The following TMEFF2 variants were observed in gnomAD, a reference collection of about 807,000 sequenced individuals.
TMEFF2 encodes the protein tomoregulin-2.
A neutral mutation model predicts 53.8 loss-of-function variants in TMEFF2; 28 were observed. That is an observed-to-expected ratio of 0.52 (90% confidence interval 0.39 to 0.71). The LOEUF is 0.71. Among genes scored for constraint, TMEFF2 ranks in the 30% least tolerant of loss-of-function variants. The probability of loss-of-function intolerance (pLI) is 0.00; values close to 1 mark genes in which losing one functional copy is unlikely to be tolerated. For missense variants in TMEFF2, 353 were observed against 455.2 expected, an observed-to-expected ratio of 0.78 and a Z score of 2.04; for synonymous variants, 162 against 166.3, an observed-to-expected ratio of 0.97 and a Z score of 0.20.
intron 7 of TMEFF2, among the ~76,000 whole-genome samples, chr2:191,970,096 T>A (rs559915543): frequency 7.2e-5 from 11 of 152,316 alleles, no homozygotes; most frequent in Admixed American, 2.6e-4. Flanking sequence ...GTGATAATGC[T>A]GCCTAAAATA....
At chr2:192,070,645 C>T (rs1688274009) in intron 4 of TMEFF2, among the ~76,000 whole-genome samples, 2 of 151,828 alleles carry the variant, frequency 1.3e-5, no homozygotes, top group South Asian at 4.1e-4. Flanking sequence ...GGGATTTACA[C>T]ATATTTTATA....
chr2:191,964,364 CTTTCTTTCTCTTTCTT>C (rs1313459918), intron 7 of TMEFF2, among the ~76,000 whole-genome samples: 1 of 93,490 alleles, frequency 1.1e-5, no homozygotes, highest in East Asian at 2.7e-4. Flanking sequence ...TTCTTTCTTT[CTTTCTTTCTCTTTCTT>C]TCTTTCTTTC....
intron 4 of TMEFF2, among the ~76,000 whole-genome samples, chr2:192,175,970 G>A (rs1177224424): frequency 6.6e-6 from 1 of 151,328 alleles, no homozygotes; most frequent in Non-Finnish European, 1.5e-5. Context: ...GAGAAAAGCA[G>A]GGGTTAAAAA....
rs1311765451 is a variant in TMEFF2, at chr2:192,141,664, G to A, written c.439+38004C>T. ...TGGTAAAGAGGAAGCATGAAAGAGA[G>A]GGCTTTGAAAGCTATGCCCCATCTT... On this transcript the variant is annotated intron_variant, in intron 4 of 9. Transcript: ENST00000272771. 4.6e-5 allele frequency among the ~76,000 whole-genome samples: 7 copies of A among 152,224 alleles called. No individual in the cohort carries two copies. In the South Asian group the frequency reaches 1.2e-3, roughly 27 times the overall value.
At chr2:192,087,182 GA>G (rs1688686997) in intron 4 of TMEFF2, among the ~76,000 whole-genome samples, 1 of 151,854 alleles carries the variant, frequency 6.6e-6, no homozygotes, top group Non-Finnish European at 1.5e-5. Flanking sequence ...TGTTCATTCA[GA>G]AAAACGATAG....
chr2:192,056,712 C>T (rs547665484), intron 5 of TMEFF2, among the ~76,000 whole-genome samples: 2 of 152,256 alleles, frequency 1.3e-5, no homozygotes, highest in South Asian at 2.1e-4. Context: ...ATGGTGAAAT[C>T]CTAACCCCCA....
intron 7 of TMEFF2, among the ~76,000 whole-genome samples, chr2:191,995,204 T>C (rs2105830846): frequency 1.3e-5 from 2 of 152,096 alleles, no homozygotes; most frequent in Middle Eastern, 3.4e-3. Flanking sequence ...AAAAATGAGA[T>C]ACAATTAATT....
Position 191,949,913 on chromosome 2 carries a change from G to A in TMEFF2, c.*398C>T. The A allele has an allele frequency of 2.0e-6, 2 of 998,026 alleles. No homozygotes were observed. Among genetic ancestry groups the A allele is most frequent in the Non-Finnish European group, 2.4e-6 (2 of 837,552 alleles). The allele number at this position is 998,026 out of a possible 1,614,324, so 61.8% of individuals were successfully genotyped here. On this transcript the variant is annotated 3_prime_UTR_variant, in exon 10 of 10. Coordinates refer to ENST00000272771, the MANE Select transcript of TMEFF2 (RefSeq NM_016192.4). ...CACTGAGTCCTGTACGAACTAATGT[G>A]CTGTCTCAAGATGAGAAGAAACATG...
At chr2:192,183,848 T>A (rs1691246930) in intron 3 of TMEFF2, among the ~76,000 whole-genome samples, 1 of 152,078 alleles carries the variant, frequency 6.6e-6, no homozygotes, top group African/African-American at 2.4e-5. Flanking sequence ...AGAAATTATG[T>A]CCATTACAAA....
At chr2:192,092,434 G>C (rs1295268836) in intron 4 of TMEFF2, among the ~76,000 whole-genome samples, 1 of 151,976 alleles carries the variant, frequency 6.6e-6, no homozygotes, top group South Asian at 2.1e-4. Context: ...TATAAAAACT[G>C]CCAAAAAAAT....
At chr2:192,122,160 A>G (rs1027372642) in intron 4 of TMEFF2, among the ~76,000 whole-genome samples, 2 of 152,160 alleles carry the variant, frequency 1.3e-5, no homozygotes, top group Non-Finnish European at 1.5e-5. Flanking sequence ...TGTGCCCCAT[A>G]TATATACATA....
intron 7 of TMEFF2, among the ~76,000 whole-genome samples, chr2:191,969,843 G>A (rs988168399): frequency 6.6e-6 from 1 of 152,180 alleles, no homozygotes; most frequent in South Asian, 2.1e-4. Context: ...ATTGTGCTAT[G>A]AGTATTTCTG....
At chr2:191,952,349 C>G (rs1691911518) in intron 9 of TMEFF2, among the ~76,000 whole-genome samples, 1 of 152,084 alleles carries the variant, frequency 6.6e-6, no homozygotes, top group South Asian at 2.1e-4. Flanking sequence ...GCATTTGTGT[C>G]AGTAGTCGAA....
intron 4 of TMEFF2, among the ~76,000 whole-genome samples, chr2:192,148,463 T>C (rs545112770): frequency 6.6e-6 from 1 of 152,144 alleles, no homozygotes; most frequent in African/African-American, 2.4e-5. Context: ...TTTCCACACT[T>C]GACATGCTAC....
At chr2:192,121,117 C>CA (rs11433955) in intron 4 of TMEFF2, among the ~76,000 whole-genome samples, 50,534 of 151,206 alleles carry the variant, frequency 0.33, 10,150 homozygotes, top group Non-Finnish European at 0.47. Flanking sequence ...CAAAAGAAAA[C>CA]AAAAAAAACA....
intron 4 of TMEFF2, among the ~76,000 whole-genome samples, chr2:192,115,557 T>C (rs1299929993): frequency 6.6e-6 from 1 of 151,566 alleles, no homozygotes; most frequent in Non-Finnish European, 1.5e-5. Flanking sequence ...ACATATGGAG[T>C]GGGAGAAAAT....
At chr2:192,061,659 A>C (rs555649369) in intron 4 of TMEFF2, among the ~76,000 whole-genome samples, 5 of 152,216 alleles carry the variant, frequency 3.3e-5, no homozygotes, top group African/African-American at 1.2e-4. Context: ...GTCCTCTACG[A>C]ATCTCATGTT....
chr2:192,184,852 C>T (rs1691272973), intron 2 of TMEFF2, among the ~76,000 whole-genome samples: 1 of 151,896 alleles, frequency 6.6e-6, no homozygotes, highest in South Asian at 2.1e-4. Context: ...AGTTTAATTT[C>T]AAGCTATTAA....
intron 7 of TMEFF2, among the ~76,000 whole-genome samples, chr2:191,966,719 C>A (rs577123376): frequency 6.6e-6 from 1 of 152,258 alleles, no homozygotes; most frequent in South Asian, 2.1e-4. Context: ...CCTTACTTGT[C>A]AGCTTCAGAA....
Sources: gnomAD v4.1 joint callset for allele counts (sites outside exome capture counted in the v4.1 genomes callset) on GRCh38, gnomAD v4.1.1 for gene constraint, MANE v1.5 for transcripts, NCBI Gene and HGNC (gene_info 2026-07-23, HGNC 2026-07-21) for gene names.